The following AFF1 variants were observed in gnomAD, a reference collection of about 807,000 sequenced individuals.
AFF1 encodes ALF transcription elongation factor 1, also known as AF4/FMR2 family member 1.
A neutral mutation model predicts 121.7 loss-of-function variants in AFF1; 48 were observed. The observed-to-expected ratio is 0.39, with a 90% CI of 0.31 to 0.50. The LOEUF (loss-of-function observed/expected upper bound fraction) is 0.50, where lower values mean the gene tolerates loss of function less well. Among genes scored for constraint, AFF1 ranks in the 20% least tolerant of loss-of-function variants. AFF1 has a pLI of 0.76. For synonymous variants in AFF1, 613 were observed against 563.0 expected (o/e 1.09, Z -1.26); for missense variants, 1,523 against 1,511.7 (o/e 1.01, Z -0.12).
rs1351645478 is a variant in AFF1, at chr4:86,948,961, A to T, written c.38+390A>T. 3.3e-5 allele frequency among the ~76,000 whole-genome samples: 5 copies of T among 152,206 alleles called. No homozygotes were observed. The East Asian group carries it at 9.7e-4, about 29-fold the overall frequency. On this transcript the variant is annotated intron_variant, in intron 2 of 20. Transcript: ENST00000395146. ...AAGCTGTGAAGGAGGGAATTCCTTC[A>T]TATTTGTATTTTGCCCCTTTCACAT...
intron 2 of AFF1, among the ~76,000 whole-genome samples, chr4:87,010,154 G>A (rs1333150838): frequency 6.6e-6 from 1 of 152,222 alleles, no homozygotes; most frequent in Non-Finnish European, 1.5e-5. Flanking sequence ...TTCTTGGCTT[G>A]TGGACTTTTA....
At chr4:87,058,229 C>G (rs1720354134) in intron 4 of AFF1, among the ~76,000 whole-genome samples, 2 of 152,126 alleles carry the variant, frequency 1.3e-5, no homozygotes, top group Non-Finnish European at 1.5e-5. Context: ...CTCCTAGTTC[C>G]AGCGCTCCAT....
At position 87,046,191 on chromosome 4, in the gene AFF1, C is replaced by T. The variant is rs1371326187; in HGVS notation, c.64C>T (p.Leu22Phe). 2 of 1,613,536 alleles carry T rather than the reference C, an allele frequency of 1.2e-6. No homozygotes were observed. The highest frequency in any genetic ancestry group is 2.7e-5 in the African/African-American group (2 of 74,802). The change falls in exon 3 of 21, where the codon CTT (leucine) becomes TTT (phenylalanine). Residue 22 changes from leucine to phenylalanine, a missense_variant. Transcript: ENST00000395146. ...NSLYNDDRNLLRIREKERRNQ... is the reference protein window; with the variant it reads ...NSLYNDDRNLFRIREKERRNQ... ...TTTGTACAATGACGACAGAAACCTG[C>T]TTCGAATTAGAGAGAAGGAAAGACG... is the stretch of plus-strand genomic sequence containing the variant.
chr4:87,135,568 T>G lies in AFF1; in HGVS notation c.3536-12T>G, dbSNP rs750669115. 67 of 248,976 alleles carry G rather than the reference T, an allele frequency of 2.7e-4. No homozygotes were observed. The African/African-American group carries it at 3.6e-3, about 14-fold the overall frequency. 15.4% of individuals were successfully genotyped at this position (248,976 alleles called of 1,614,324 possible). On this transcript the variant is annotated splice_polypyrimidine_tract_variant and intron_variant, in intron 20 of 20. Transcript: ENST00000395146. Reference sequence around the variant, plus strand: ...ATTTACTTGTTTTTGTTTTGTTTTGTTTTTTTTGCAGAATTCTTTGCTCGG... The same window carrying G: ...ATTTACTTGTTTTTGTTTTGTTTTGGTTTTTTTGCAGAATTCTTTGCTCGG...
chr4:86,949,980 G>A (rs1721185849), intron 2 of AFF1: 3 of 1,614,004 alleles, frequency 1.9e-6, no homozygotes, highest in East Asian at 4.5e-5. Context: ...TTGCCGAGCT[G>A]GCAGATCACA....
At chr4:86,953,755 T>C (rs749313886) in intron 2 of AFF1, among the ~76,000 whole-genome samples, 66 of 152,138 alleles carry the variant, frequency 4.3e-4, no homozygotes, top group Admixed American at 2.4e-3. Context: ...GTTTTGCTCT[T>C]GTCGCCCAGG....
At chr4:86,989,336 GAAAC>G (rs1478015351) in intron 2 of AFF1, among the ~76,000 whole-genome samples, 5 of 152,138 alleles carry the variant, frequency 3.3e-5, no homozygotes, top group East Asian at 1.9e-4. Flanking sequence ...AAATTTACAA[GAAAC>G]AAACAACACC....
chr4:87,040,775 G>A (rs1481229395), intron 2 of AFF1, among the ~76,000 whole-genome samples: 3 of 148,992 alleles, frequency 2.0e-5, no homozygotes, highest in Non-Finnish European at 4.4e-5. Context: ...GTTTCACTAT[G>A]TTGGCCAGGC....
At chr4:87,110,625 T>A (rs949464564) in intron 11 of AFF1, among the ~76,000 whole-genome samples, 11 of 152,178 alleles carry the variant, frequency 7.2e-5, no homozygotes, top group African/African-American at 2.7e-4. Flanking sequence ...TCCATTTTTT[T>A]AATGCTCTTT....
At chr4:86,985,682 A>G (rs956280184) in intron 2 of AFF1, among the ~76,000 whole-genome samples, 20 of 152,026 alleles carry the variant, frequency 1.3e-4, no homozygotes, top group Non-Finnish European at 7.4e-5. Context: ...ATCTTAGTAA[A>G]TAAATAAACA....
At chr4:87,061,262 G>A (rs1337495323) in intron 4 of AFF1, among the ~76,000 whole-genome samples, 1 of 152,170 alleles carries the variant, frequency 6.6e-6, no homozygotes, top group Non-Finnish European at 1.5e-5. Flanking sequence ...GCAGAGAGGA[G>A]ACCACAGCAG....
In AFF1 at chr4:87,115,209, A is replaced by G. The variant is rs776173393; in HGVS notation, c.2376A>G (p.Lys792=). 1.9e-6 allele frequency: 3 copies of G among 1,614,200 alleles called. No individual in the cohort carries two copies. Among genetic ancestry groups the G allele is most frequent in the Admixed American group, 3.3e-5 (2 of 60,024 alleles). Reference sequence around the variant, plus strand: ...CCGGGAAGGGGAGCCGCCAGAGGAAAGCAGAAGATAAACAGCCGCCCGCAG... The same window carrying G: ...CCGGGAAGGGGAGCCGCCAGAGGAAGGCAGAAGATAAACAGCCGCCCGCAG... ...QPPGKGSRQR[K]AEDKQPPAGK... Residue 792 remains lysine (K), a synonymous_variant, in exon 12 of 21, where the codon AAA becomes AAG. Coordinates refer to ENST00000395146, the MANE Select transcript of AFF1 (RefSeq NM_001166693.3).
At chr4:86,971,588 G>A (rs1722951716) in intron 2 of AFF1, among the ~76,000 whole-genome samples, 1 of 152,208 alleles carries the variant, frequency 6.6e-6, no homozygotes. Flanking sequence ...TGGTAAATTA[G>A]AGTTTGCTTT....
chr4:87,011,870 G>T (rs568868786), intron 2 of AFF1, among the ~76,000 whole-genome samples: 1 of 152,258 alleles, frequency 6.6e-6, no homozygotes, highest in African/African-American at 2.4e-5. Context: ...TGGGGATGTT[G>T]TTGTTTTGGC....
At chr4:87,097,219 G>C (rs754850816) in intron 8 of AFF1, among the ~76,000 whole-genome samples, 3 of 152,216 alleles carry the variant, frequency 2.0e-5, no homozygotes, top group South Asian at 4.1e-4. Context: ...TAAGCATAGA[G>C]GGGAGGAGCT....
At chr4:87,022,559 T>TACAC (rs1220161857) in intron 2 of AFF1, among the ~76,000 whole-genome samples, 23 of 48,254 alleles carry the variant, frequency 4.8e-4, no homozygotes, top group African/African-American at 1.6e-3. Context: ...TATATATATA[T>TACAC]ATATATATAT....
intron 2 of AFF1, among the ~76,000 whole-genome samples, chr4:86,991,477 A>G (rs573657041): frequency 1.3e-5 from 2 of 152,254 alleles, no homozygotes; most frequent in Non-Finnish European, 2.9e-5. Flanking sequence ...TGCAGCCAAC[A>G]TATATAGCCT....
intron 2 of AFF1, among the ~76,000 whole-genome samples, chr4:86,969,217 G>T (rs185755901): frequency 6.6e-6 from 1 of 152,070 alleles, no homozygotes; most frequent in African/African-American, 2.4e-5. Context: ...GGTGGCTCAC[G>T]CCTGTAATCC....
At chr4:87,055,857 C>T (rs1473791923) in intron 4 of AFF1, among the ~76,000 whole-genome samples, 1 of 152,158 alleles carries the variant, frequency 6.6e-6, no homozygotes, top group Non-Finnish European at 1.5e-5. Context: ...TTCTTCTCTC[C>T]AGTTGCCAAC....
Sources: gnomAD v4.1 joint callset for allele counts (sites outside exome capture counted in the v4.1 genomes callset) on GRCh38, gnomAD v4.1.1 for gene constraint, MANE v1.5 for transcripts, NCBI Gene and HGNC (gene_info 2026-07-23, HGNC 2026-07-21) for gene names.